The following MDN1 variants were observed in gnomAD, a reference collection of about 807,000 sequenced individuals.
MDN1 encodes the protein midasin.
MDN1 carries 266 observed loss-of-function variants against 669.2 expected under a neutral mutation model. The ratio of observed to expected loss-of-function variants is 0.40; its 90% confidence interval spans 0.36 to 0.44. MDN1 has a LOEUF of 0.44. Among genes scored for constraint, MDN1 ranks in the 20% least tolerant of loss-of-function variants. MDN1 has a pLI of 1.00. For synonymous variants in MDN1, 2,385 were observed against 2,457.1 expected, an observed-to-expected ratio of 0.97 and a Z score of 0.87; for missense variants, 5,940 against 6,754.0, an observed-to-expected ratio of 0.88 and a Z score of 4.22.
chr6:89,814,813 G>A, intron 1 of MDN1: 2 of 471,138 alleles, frequency 4.2e-6, no homozygotes, highest in South Asian at 3.1e-5. Context: ...TGGGTTCTCT[G>A]TGCAGACAGT....
intron 12 of MDN1, among the ~76,000 whole-genome samples, 156 bp downstream of exon 12, chr6:89,776,444 T>G (rs1818359425): frequency 6.6e-6 from 1 of 151,888 alleles, no homozygotes; most frequent in African/African-American, 2.4e-5. Flanking sequence ...CATTTGGGAG[T>G]TGTATGCCCA....
Position 89,794,646 on chromosome 6 carries a change from A to G in MDN1, c.485T>C (p.Val162Ala). ...AFKFLQQEQS[V>A]FRELWDWSVC... ...ACTCCAGTCCCAGAGCTCCCGGAAC[A>G]CAGACTGCTCCTGCTGCAGAAACTT... The change falls in exon 3 of 102, where the codon GTG becomes GCG. Residue 162 changes from valine to alanine, a missense_variant. Transcript: ENST00000369393. 6.2e-7 allele frequency: 1 copy of G among 1,614,106 alleles called. No homozygotes were observed.
intron 11 of MDN1, 72 bp from the exon 12 acceptor site, chr6:89,776,767 T>C (rs1171468161): frequency 8.9e-7 from 1 of 1,120,368 alleles, no homozygotes; most frequent in Non-Finnish European, 1.3e-6. Context: ...ATCATTTTCC[T>C]GGCCACAAGA....
chr6:89,681,179 C>G (rs1811590418), intron 73 of MDN1, among the ~76,000 whole-genome samples: 2 of 146,594 alleles, frequency 1.4e-5, no homozygotes, highest in Admixed American at 6.8e-5. Context: ...AGATTTCTTT[C>G]CTTTTTTTTT....
At chr6:89,730,960 C>T (rs2128315027) in intron 34 of MDN1, 37 bp from the exon 35 acceptor site, 1 of 1,562,848 alleles carries the variant, frequency 6.4e-7, no homozygotes, top group Non-Finnish European at 8.7e-7. Flanking sequence ...AGCAACAGTA[C>T]AACACCAAGC....
chr6:89,776,143 A>G (rs944659465), intron 12 of MDN1, among the ~76,000 whole-genome samples: 1 of 152,242 alleles, frequency 6.6e-6, no homozygotes, highest in Middle Eastern at 3.2e-3. Flanking sequence ...AAGACGACAC[A>G]GGACATGAGG....
intron 33 of MDN1, among the ~76,000 whole-genome samples, chr6:89,736,701 G>A (rs1320599726): frequency 6.6e-6 from 1 of 152,150 alleles, no homozygotes; most frequent in African/African-American, 2.4e-5. Flanking sequence ...GACTGAGACA[G>A]GAGAATCACC....
chr6:89,803,578 C>A, intron 1 of MDN1, 24 bp from the exon 2 acceptor site: 1 of 1,497,448 alleles, frequency 6.7e-7, no homozygotes, highest in Non-Finnish European at 9.2e-7. Flanking sequence ...AACAAAACAT[C>A]TTTCACTTTT....
intron 26 of MDN1, among the ~76,000 whole-genome samples, chr6:89,748,945 T>C (rs910562653): frequency 2.0e-5 from 3 of 151,812 alleles, no homozygotes; most frequent in Non-Finnish European, 4.4e-5. Flanking sequence ...TGGTCCCAGC[T>C]ACTAAGGAGT....
chr6:89,803,856 C>T (rs368439962), intron 1 of MDN1, among the ~76,000 whole-genome samples: 6 of 149,990 alleles, frequency 4.0e-5, no homozygotes, highest in African/African-American at 1.2e-4. Context: ...GCTGAGATTA[C>T]AGGCGTGAGC....
rs1018725994 is a variant in MDN1 at position 89,696,992 on chromosome 6, G to C, written c.9169-418C>G. Among the ~76,000 whole-genome samples the C allele has an allele frequency of 5.9e-5, 9 of 152,272 alleles. No homozygotes were observed. In the East Asian group the frequency reaches 1.7e-3, roughly 29 times the overall value. ...ACAGTAATAGCTGTCCACAGCAAAGGGTTGTCAAAGGGTGACAGCCAAATG... is the reference window on the plus strand; with the variant it reads ...ACAGTAATAGCTGTCCACAGCAAAGCGTTGTCAAAGGGTGACAGCCAAATG... On this transcript the variant is annotated intron_variant, in intron 59 of 101. Coordinates refer to ENST00000369393, the MANE Select transcript of MDN1 (RefSeq NM_014611.3).
At chr6:89,818,204 AGTTACTC>A (rs1393001852) in intron 1 of MDN1, among the ~76,000 whole-genome samples, 1 of 150,560 alleles carries the variant, frequency 6.6e-6, no homozygotes, top group Non-Finnish European at 1.5e-5. Flanking sequence ...CTGTAATCCC[AGTTACTC>A]GGGAGGTTGA....
In MDN1 at chr6:89,681,527, A is replaced by G. The variant is rs573053705; in HGVS notation, c.12103-776T>C. ...AAGAGCTTTCGTCCATCAAGGGCAT[A>G]TTTTCATTTTTTTTTCCTTGAGGAA... On this transcript the variant is annotated intron_variant, in intron 73 of 101. Coordinates refer to ENST00000369393, the MANE Select transcript of MDN1 (RefSeq NM_014611.3). Among the ~76,000 whole-genome samples the G allele has an allele frequency of 5.9e-5, 9 of 151,906 alleles. No homozygotes were observed. In the East Asian group the frequency reaches 1.7e-3, roughly 29 times the overall value.
intron 1 of MDN1, among the ~76,000 whole-genome samples, chr6:89,810,475 G>C (rs1049053029): frequency 6.8e-4 from 104 of 151,954 alleles, no homozygotes; most frequent in African/African-American, 2.4e-3. Flanking sequence ...TAAAAAAACA[G>C]AAATGTGTTG....
chr6:89,726,482 G>GAAAAAAAAAAAAAAGAAAAAAAAAAA (rs1815247251), intron 37 of MDN1, among the ~76,000 whole-genome samples: 1 of 90,952 alleles, frequency 1.1e-5, no homozygotes, highest in Non-Finnish European at 2.3e-5. Flanking sequence ...AAGAAAAATA[G>GAAAAAAAAAAAAAAGAAAAAAAAAAA]AAAAAAAAAA....
At chr6:89,795,024 G>A (rs1039512652) in intron 2 of MDN1, among the ~76,000 whole-genome samples, 2 of 152,166 alleles carry the variant, frequency 1.3e-5, no homozygotes, top group Admixed American at 6.5e-5. Flanking sequence ...GAACATAGGG[G>A]AATGAATGCT....
At chr6:89,817,398 A>G (rs1483923357) in intron 1 of MDN1, among the ~76,000 whole-genome samples, 3 of 152,186 alleles carry the variant, frequency 2.0e-5, no homozygotes, top group Admixed American at 1.3e-4. Context: ...CATATCAGAC[A>G]CTGTATTGGA....
intron 5 of MDN1, among the ~76,000 whole-genome samples, chr6:89,793,316 GA>G (rs2128327081): frequency 6.6e-6 from 1 of 152,326 alleles, no homozygotes; most frequent in South Asian, 2.1e-4. Flanking sequence ...ATGTGCTACA[GA>G]ACTTCACACA....
At chr6:89,678,791 C>T (rs1187236088) in intron 74 of MDN1, 46 bp from the exon 75 acceptor site, 1 of 1,580,726 alleles carries the variant, frequency 6.3e-7, no homozygotes, top group Admixed American at 1.8e-5. Flanking sequence ...AAGAAAATCC[C>T]AGGGGTCTGG....
Sources: gnomAD v4.1 joint callset for allele counts (sites outside exome capture counted in the v4.1 genomes callset) on GRCh38, gnomAD v4.1.1 for gene constraint, MANE v1.5 for transcripts, NCBI Gene and HGNC (gene_info 2026-07-23, HGNC 2026-07-21) for gene names.